The following KIF26B variants were observed in gnomAD, a reference collection of about 807,000 sequenced individuals.
The protein encoded by KIF26B is kinesin family member 26B.
Under a neutral mutation model 151.2 loss-of-function variants are expected in KIF26B, and 63 were observed. The observed-to-expected ratio is 0.42, with a 90% confidence interval of 0.34 to 0.51. The LOEUF is 0.51. KIF26B is among the 20% of genes least tolerant of loss of function. The pLI, the probability that KIF26B is intolerant of heterozygous loss-of-function variation, is 0.07. For synonymous variants in KIF26B, 1,357 were observed against 1,262.1 expected (o/e 1.08, Z -1.59); for missense variants, 2,813 against 2,913.6 (o/e 0.97, Z 0.79).
intron 2 of KIF26B, among the ~76,000 whole-genome samples, chr1:245,249,096 T>C (rs1228203732): frequency 6.6e-6 from 1 of 152,006 alleles, no homozygotes; most frequent in African/African-American, 2.4e-5. Flanking sequence ...AGCAAGGTGA[T>C]TTTTGTGTGT....
intron 2 of KIF26B, among the ~76,000 whole-genome samples, chr1:245,292,952 G>A (rs1478386008): frequency 6.6e-6 from 1 of 152,164 alleles, no homozygotes; most frequent in Non-Finnish European, 1.5e-5. Context: ...AACATTCAGA[G>A]TTTTCTTCAA....
intron 2 of KIF26B, among the ~76,000 whole-genome samples, chr1:245,185,142 C>CT (rs78451541): frequency 0.065 from 9,220 of 142,284 alleles, 864 homozygotes; most frequent in African/African-American, 0.21. Flanking sequence ...GGTGGAAATA[C>CT]TTTTTTTTTT....
intron 4 of KIF26B, among the ~76,000 whole-genome samples, chr1:245,465,932 C>T (rs1659779611): frequency 6.6e-6 from 1 of 152,218 alleles, no homozygotes; most frequent in African/African-American, 2.4e-5. Context: ...CAGAAGGAAG[C>T]CTGTCGAGGC....
At chr1:245,468,675 T>TAG (rs112739819) in intron 4 of KIF26B, among the ~76,000 whole-genome samples, 1,563 of 148,216 alleles carry the variant, frequency 0.011, 21 homozygotes, top group African/African-American at 0.03. Flanking sequence ...ACTTACATCT[T>TAG]AGAGAGAGAG....
chr1:245,248,841 A>G (rs1476057941), intron 2 of KIF26B, among the ~76,000 whole-genome samples: 1 of 152,198 alleles, frequency 6.6e-6, no homozygotes, highest in East Asian at 1.9e-4. Flanking sequence ...AGTGTAAATC[A>G]GTCTGTACCT....
At chr1:245,500,168 G>A (rs1224360184) in intron 4 of KIF26B, among the ~76,000 whole-genome samples, 1 of 152,160 alleles carries the variant, frequency 6.6e-6, no homozygotes, top group Non-Finnish European at 1.5e-5. Flanking sequence ...AAATTTCTTT[G>A]GGTGAAAGCT....
At chr1:245,631,527 A>G (rs796440725) in intron 9 of KIF26B, among the ~76,000 whole-genome samples, 85 of 152,250 alleles carry the variant, frequency 5.6e-4, no homozygotes, top group African/African-American at 1.9e-3. Context: ...TTGGTTCGCT[A>G]GTATTTTTTA....
At chr1:245,317,247 C>G (rs1671797250) in intron 2 of KIF26B, among the ~76,000 whole-genome samples, 3 of 152,222 alleles carry the variant, frequency 2.0e-5, no homozygotes, top group Admixed American at 2.0e-4. Flanking sequence ...TAGAAATTAG[C>G]TCTAGAAATC....
chr1:245,640,143 C>CTCTCTCTCTATATATATATA, intron 9 of KIF26B, among the ~76,000 whole-genome samples: 2 of 31,924 alleles, frequency 6.3e-5, no homozygotes, highest in African/African-American at 2.8e-4. Flanking sequence ...CTCTCTCTCT[C>CTCTCTCTCTATATATATATA]TATATATATA....
Position 245,618,235 on chromosome 1 carries a change from C to T in KIF26B, c.2098+6259C>T, listed in dbSNP as rs558021276. 5.9e-5 allele frequency among the ~76,000 whole-genome samples: 9 copies of T among 152,304 alleles called. No individual in the cohort carries two copies. The South Asian group carries it at 6.2e-4, about 11-fold the overall frequency. ...GGGATGTTATGCTTTTGCCTTACTC[C>T]GCCTTATATTTTGGCTGTTTGTGAG... On this transcript the variant is annotated intron_variant, in intron 9 of 14. Coordinates refer to ENST00000407071, the MANE Select transcript of KIF26B (RefSeq NM_018012.4).
intron 2 of KIF26B, among the ~76,000 whole-genome samples, chr1:245,290,979 G>A (rs967015189): frequency 6.6e-6 from 1 of 152,234 alleles, no homozygotes; most frequent in Non-Finnish European, 1.5e-5. Flanking sequence ...GCCGTTGAGT[G>A]CTGGGTGTTC....
intron 4 of KIF26B, among the ~76,000 whole-genome samples, chr1:245,515,882 G>A (rs1175188730): frequency 3.3e-5 from 5 of 152,204 alleles, no homozygotes; most frequent in Non-Finnish European, 5.9e-5. Flanking sequence ...ATCCCTGCCT[G>A]TGAGGGTGGA....
chr1:245,557,490 C>G (rs1662067906), intron 5 of KIF26B, among the ~76,000 whole-genome samples: 1 of 152,160 alleles, frequency 6.6e-6, no homozygotes. Flanking sequence ...ATCATACTTC[C>G]TCAGAGGGTA....
chr1:245,471,115 ATGTGTG>A (rs1553277413), intron 4 of KIF26B, among the ~76,000 whole-genome samples: 3 of 142,444 alleles, frequency 2.1e-5, no homozygotes, highest in African/African-American at 7.7e-5. Context: ...TTTTGATAGT[ATGTGTG>A]TGTGTGTGTG....
intron 3 of KIF26B, among the ~76,000 whole-genome samples, chr1:245,416,799 A>G (rs1430688897): frequency 6.6e-6 from 1 of 152,188 alleles, no homozygotes; most frequent in Non-Finnish European, 1.5e-5. Context: ...GGGGAGGTAA[A>G]TTAGCAGTTC....
At position 245,563,191 on chromosome 1, in the gene KIF26B, A is replaced by C. The variant is rs2042972839; in HGVS notation, c.1350+22241A>C. On this transcript the variant is annotated intron_variant, in intron 5 of 14. Coordinates refer to ENST00000407071, the MANE Select transcript of KIF26B (RefSeq NM_018012.4). This position sits in a 1 kb window ranked among gnomAD's most constrained non-coding sequence, Gnocchi z 4.6. ...AAATGCTTTGCGTTAAATGCCAGTC[A>C]GTGTCTCTTCCCAAAGACCCCCACT... Among the ~76,000 whole-genome samples the C allele has an allele frequency of 6.6e-6, 1 of 152,240 alleles. No individual in the cohort carries two copies. The highest frequency in any genetic ancestry group is 1.5e-5 in the Non-Finnish European group (1 of 68,040).
chr1:245,686,698 C>T lies in KIF26B; in HGVS notation c.3715C>T (p.Leu1239=). The change falls in exon 12 of 15, where the codon CTG becomes TTG. Residue 1239 remains leucine (L), a synonymous_variant. Coordinates refer to ENST00000407071, the MANE Select transcript of KIF26B (RefSeq NM_018012.4). The surrounding 1 kb of genome is among the most constrained non-coding windows in gnomAD (Gnocchi z 5.6). ...VSIISSISED[L]ECYSSTAPVS... Reference sequence around the variant, plus strand: ...CATCATCAGCAGCATCAGCGAGGACCTGGAGTGCTACTCCAGCACGGCCCC... The same window carrying T: ...CATCATCAGCAGCATCAGCGAGGACTTGGAGTGCTACTCCAGCACGGCCCC... The T allele has an allele frequency of 1.9e-6, 3 of 1,613,058 alleles. No homozygotes were observed. Among genetic ancestry groups the T allele is most frequent in the Non-Finnish European group, 2.5e-6 (3 of 1,179,586 alleles).
intron 10 of KIF26B, among the ~76,000 whole-genome samples, chr1:245,677,585 C>A (rs955698457): frequency 1.3e-5 from 2 of 152,210 alleles, no homozygotes; most frequent in African/African-American, 4.8e-5. Context: ...CTCTAGTACC[C>A]CAAAGCAAGT....
chr1:245,666,515 T>C (rs956717403), intron 10 of KIF26B, among the ~76,000 whole-genome samples: 7 of 152,134 alleles, frequency 4.6e-5, no homozygotes, highest in South Asian at 2.1e-4. Context: ...AGGTTCTTAA[T>C]ACATGCTTGT....
Sources: allele counts gnomAD v4.1 joint callset (sites outside exome capture counted in the v4.1 genomes callset), GRCh38; gene constraint gnomAD v4.1.1; non-coding constraint Gnocchi (gnomAD v3.1); transcripts MANE v1.5; gene names NCBI Gene and HGNC (gene_info 2026-07-23, HGNC 2026-07-21).